Variants in LARGE1 observed in about 807,000 individuals in gnomAD.
The protein encoded by LARGE1 is xylosyl- and glucuronyltransferase LARGE1.
Under a neutral mutation model 87.6 loss-of-function variants are expected in LARGE1, and 43 were observed. That is an observed-to-expected ratio of 0.49 (90% confidence interval 0.38 to 0.63). The LOEUF is 0.63. Among genes scored for constraint, LARGE1 ranks in the 30% least tolerant of loss-of-function variants. The pLI, the probability that LARGE1 is intolerant of heterozygous loss-of-function variation, is 0.00. For missense variants in LARGE1, 802 were observed against 1,000.2 expected (o/e 0.80, Z 2.67); for synonymous variants, 434 against 394.6 (o/e 1.10, Z -1.18).
At chr22:33,222,719 G>T (rs2145628651) in intron 11 of LARGE1, among the ~76,000 whole-genome samples, 1 of 152,288 alleles carries the variant, frequency 6.6e-6, no homozygotes, top group Non-Finnish European at 1.5e-5. Context: ...AGCCTTCAAG[G>T]GGATCATGGT....
chr22:33,623,472 T>C (rs2079819622), intron 4 of LARGE1, among the ~76,000 whole-genome samples: 1 of 152,154 alleles, frequency 6.6e-6, no homozygotes, highest in Non-Finnish European at 1.5e-5. Context: ...ACTGACAGCC[T>C]CTACGGTGAA....
chr22:33,364,300 G>A (rs535767385), intron 9 of LARGE1, among the ~76,000 whole-genome samples: 13 of 152,006 alleles, frequency 8.6e-5, no homozygotes, highest in Admixed American at 1.3e-4. Flanking sequence ...CTCGTGATCC[G>A]CCCGCCTCGG....
At chr22:33,592,322 T>A (rs181664674) in intron 5 of LARGE1, among the ~76,000 whole-genome samples, 72 of 152,270 alleles carry the variant, frequency 4.7e-4, no homozygotes, top group African/African-American at 8.2e-4. Flanking sequence ...TATTATTATT[T>A]TTTTCTGTCT....
chr22:33,648,079 G>A (rs2080675868), intron 3 of LARGE1, among the ~76,000 whole-genome samples: 1 of 152,102 alleles, frequency 6.6e-6, no homozygotes, highest in Admixed American at 6.5e-5. Context: ...TTAATCCACA[G>A]TTTGCAAATG....
intron 5 of LARGE1, among the ~76,000 whole-genome samples, chr22:33,596,245 T>G (rs938382532): frequency 7.2e-5 from 11 of 152,246 alleles, no homozygotes; most frequent in Non-Finnish European, 1.2e-4. Context: ...TAATGCAGAT[T>G]AGAGTTTGCA....
At chr22:33,803,019 AAC>A (rs776450307) in intron 1 of LARGE1, among the ~76,000 whole-genome samples, 6 of 152,178 alleles carry the variant, frequency 3.9e-5, no homozygotes, top group African/African-American at 1.4e-4. Context: ...TGGATAGATC[AAC>A]ACACAAATGA....
At chr22:33,541,085 G>C (rs1435081345) in intron 6 of LARGE1, among the ~76,000 whole-genome samples, 7 of 132,312 alleles carry the variant, frequency 5.3e-5, no homozygotes. Flanking sequence ...CGGGTTGCAG[G>C]GGGAGAATCA....
intron 5 of LARGE1, among the ~76,000 whole-genome samples, chr22:33,601,762 G>A (rs1190903092): frequency 6.6e-6 from 1 of 152,126 alleles, no homozygotes; most frequent in Non-Finnish European, 1.5e-5. Flanking sequence ...GGACTCTAGA[G>A]ACAATATTCT....
the LARGE1 span, among the ~76,000 whole-genome samples, chr22:33,072,453 T>C: frequency 6.6e-6 from 1 of 152,138 alleles, no homozygotes; most frequent in Non-Finnish European, 1.5e-5. Context: ...TTTTCTTAGC[T>C]GGCTGATCAG....
At chr22:33,671,140 C>G (rs2081397551) in intron 2 of LARGE1, among the ~76,000 whole-genome samples, 1 of 152,064 alleles carries the variant, frequency 6.6e-6, no homozygotes, top group African/African-American at 2.4e-5. Flanking sequence ...TCTAGGCACA[C>G]CAAAAAACTT....
At chr22:33,194,319 A>G (rs1317750473) in intron 11 of LARGE1, among the ~76,000 whole-genome samples, 1 of 152,200 alleles carries the variant, frequency 6.6e-6, no homozygotes, top group Non-Finnish European at 1.5e-5. Flanking sequence ...TTTTATTGCA[A>G]TCGTCCTTAA....
At chr22:33,811,320 C>T (rs1055399489) in intron 1 of LARGE1, among the ~76,000 whole-genome samples, 1 of 152,158 alleles carries the variant, frequency 6.6e-6, no homozygotes, top group East Asian at 1.9e-4. Flanking sequence ...ATTAATAAAA[C>T]ATAATTTAGC....
the LARGE1 span, among the ~76,000 whole-genome samples, chr22:33,109,836 G>A: frequency 2.6e-5 from 4 of 152,078 alleles, no homozygotes; most frequent in Admixed American, 6.6e-5. Context: ...TCTTGCTCCC[G>A]CTCTTGCCAT....
chr22:33,319,723 A>G (rs1257877750), intron 10 of LARGE1, among the ~76,000 whole-genome samples: 1 of 152,032 alleles, frequency 6.6e-6, no homozygotes, highest in African/African-American at 2.4e-5. Flanking sequence ...GGCCACTGAG[A>G]TCTTACTGGT....
chr22:33,174,994 C>T (rs973772817), intron 11 of LARGE1, among the ~76,000 whole-genome samples: 12 of 152,146 alleles, frequency 7.9e-5, no homozygotes, highest in African/African-American at 2.9e-4. Flanking sequence ...AGGCCAACAT[C>T]ATCCTGATAC....
In LARGE1 at chr22:33,564,948, C is replaced by CT; in HGVS notation, c.686dup (p.Thr230AspfsTer13). ...CTCTCTCCAGGTTGGCAGGAAGAGT[C>CT]TTGGTCAGGACAAGCTTCATCAGAC... On this transcript the variant is annotated frameshift_variant, in exon 6 of 15. Coordinates refer to ENST00000397394, the MANE Select transcript of LARGE1 (RefSeq NM_133642.5). LOFTEE classifies it high-confidence loss of function. 6.2e-7 allele frequency: 1 copy of CT among 1,614,120 alleles called. No homozygotes were observed. Among genetic ancestry groups the CT allele is most frequent in the Non-Finnish European group, 8.5e-7 (1 of 1,179,996 alleles).
chr22:33,459,982 C>T (rs1417312625), intron 6 of LARGE1, among the ~76,000 whole-genome samples: 1 of 152,214 alleles, frequency 6.6e-6, no homozygotes, highest in East Asian at 1.9e-4. Context: ...AGAATCTTAT[C>T]CTGCAAAGTG....
At chr22:33,849,600 T>C (rs2063529146) in intron 1 of LARGE1, among the ~76,000 whole-genome samples, 2 of 137,022 alleles carry the variant, frequency 1.5e-5, no homozygotes, top group Admixed American at 7.2e-5. Context: ...CTCTTTTTTT[T>C]TTTTTTTTTT....
At chr22:33,558,936 G>A (rs2077774524) in intron 6 of LARGE1, among the ~76,000 whole-genome samples, 1 of 152,126 alleles carries the variant, frequency 6.6e-6, no homozygotes, top group African/African-American at 2.4e-5. Flanking sequence ...AATGGAATGT[G>A]GAAAAATAAT....
Sources: gnomAD v4.1 joint callset for allele counts (sites outside exome capture counted in the v4.1 genomes callset) on GRCh38, gnomAD v4.1.1 for gene constraint, MANE v1.5 for transcripts, NCBI Gene and HGNC (gene_info 2026-07-23, HGNC 2026-07-21) for gene names.